Variants in DMD observed in about 807,000 individuals in gnomAD.
The protein encoded by DMD is dystrophin, also known as mutant dystrophin.
Under a neutral mutation model 330.1 loss-of-function variants are expected in DMD, and 63 were observed. The observed-to-expected ratio is 0.19, with a 90% confidence interval of 0.16 to 0.24. The LOEUF (loss-of-function observed/expected upper bound fraction) is 0.24, where lower values mean the gene tolerates loss of function less well. Among genes scored for constraint, DMD ranks in the 10% least tolerant of loss-of-function variants. The pLI is 1.00. For synonymous variants in DMD, 1,223 were observed against 959.8 expected (o/e 1.27, Z -5.07); for missense variants, 3,344 against 2,684.1 (o/e 1.25, Z -5.43).
chrX:31,399,660 C>T (rs1449969565), intron 60 of DMD, among the ~76,000 whole-genome samples: 1 of 111,250 alleles, frequency 9.0e-6, no homozygotes, highest in Non-Finnish European at 1.9e-5. Context: ...GGAGAGAAAG[C>T]TGTAGCTATA....
intron 41 of DMD, among the ~76,000 whole-genome samples, chrX:32,331,766 G>A (rs1013436688): frequency 9.0e-6 from 1 of 111,276 alleles, no homozygotes; most frequent in Non-Finnish European, 1.9e-5. Flanking sequence ...TTTATTTAAC[G>A]TGCTACTTGA....
At chrX:32,190,110 G>T (rs2096966312) in intron 44 of DMD, among the ~76,000 whole-genome samples, 1 of 110,695 alleles carries the variant, frequency 9.0e-6, no homozygotes, top group Admixed American at 9.7e-5. Flanking sequence ...GATTAAAGAA[G>T]AGAGTACTAT....
At chrX:32,561,046 C>T (rs988328306) in intron 16 of DMD, among the ~76,000 whole-genome samples, 2 of 111,661 alleles carry the variant, frequency 1.8e-5, no homozygotes, top group Non-Finnish European at 3.8e-5. Context: ...ACATTCCCAC[C>T]AACAGTGTAA....
At chrX:32,307,499 G>A (rs1333160484) in intron 42 of DMD, among the ~76,000 whole-genome samples, 3 of 111,829 alleles carry the variant, frequency 2.7e-5, no homozygotes, top group African/African-American at 9.7e-5. Context: ...GCAGCTACCA[G>A]TCAGAGTACA....
chrX:32,661,474 T>C (rs1363999624), intron 9 of DMD, among the ~76,000 whole-genome samples: 1 of 111,876 alleles, frequency 8.9e-6, no homozygotes, highest in Non-Finnish European at 1.9e-5. Flanking sequence ...GAATTCAGTA[T>C]CTGTCTCACG....
chrX:33,307,282 A>G (rs1279321495), intron 1 of DMD, among the ~76,000 whole-genome samples: 5 of 112,164 alleles, frequency 4.5e-5, no homozygotes, highest in African/African-American at 1.6e-4. Flanking sequence ...AGACTTACAT[A>G]TAATAAAAAT....
upstream of DMD, among the ~76,000 whole-genome samples, chrX:33,214,236 T>G (rs111276596): frequency 9.0e-6 from 1 of 110,856 alleles, no homozygotes; most frequent in Non-Finnish European, 1.9e-5. Flanking sequence ...AAAACAATCA[T>G]GTAGTTTTTC....
chrX:32,173,460 C>A (rs1018352857), intron 44 of DMD, among the ~76,000 whole-genome samples: 1 of 110,801 alleles, frequency 9.0e-6, no homozygotes, highest in African/African-American at 3.3e-5. Context: ...GCAACCTCCG[C>A]CTCCCAGGTT....
At chrX:31,285,714 G>A (rs2053153843) in intron 62 of DMD, among the ~76,000 whole-genome samples, 1 of 111,701 alleles carries the variant, frequency 9.0e-6, no homozygotes, top group Non-Finnish European at 1.9e-5. Flanking sequence ...TGTGATTCAG[G>A]GGTGTAATAA....
At chrX:32,412,460 C>A (rs2098147011) in intron 29 of DMD, among the ~76,000 whole-genome samples, 1 of 111,792 alleles carries the variant, frequency 8.9e-6, no homozygotes, top group Admixed American at 9.5e-5. Context: ...CTTTTTTCTC[C>A]CTACTTTCTT....
rs183292911 is a variant in DMD, at chrX:31,486,917, T to A, written c.8548-7814A>T. 2.7e-3 allele frequency among the ~76,000 whole-genome samples: 306 copies of A among 111,941 alleles called. 1 individual carries two copies. Among genetic ancestry groups the A allele is most frequent in the Non-Finnish European group, 2.6e-3 (137 of 53,230 alleles). On this transcript the variant is annotated intron_variant, in intron 57 of 78. Transcript: ENST00000357033. Reference sequence around the variant, plus strand: ...CCATATTTATTGAGTCTCAAACACATAAGAATATTTTACCAAATGCTCACT... The same window carrying A: ...CCATATTTATTGAGTCTCAAACACAAAAGAATATTTTACCAAATGCTCACT...
intron 55 of DMD, among the ~76,000 whole-genome samples, chrX:31,524,555 T>C (rs897462896): frequency 3.6e-5 from 4 of 112,039 alleles, no homozygotes; most frequent in African/African-American, 6.5e-5. Flanking sequence ...TTCACTCTGA[T>C]AAGATTCCAT....
intron 1 of DMD, among the ~76,000 whole-genome samples, chrX:33,126,730 T>C (rs763100651): frequency 9.0e-6 from 1 of 111,689 alleles, no homozygotes; most frequent in South Asian, 3.8e-4. Context: ...TTAGAGATAA[T>C]CTCAGCAATG....
chrX:32,477,431 T>G (rs1476470791), intron 21 of DMD, among the ~76,000 whole-genome samples: 1 of 110,989 alleles, frequency 9.0e-6, no homozygotes, highest in African/African-American at 3.3e-5. Context: ...CTGCACCTTT[T>G]GTTTAAAAAC....
At chrX:31,922,247 G>A (rs2094700331) in intron 47 of DMD, among the ~76,000 whole-genome samples, 1 of 111,443 alleles carries the variant, frequency 9.0e-6, no homozygotes. Flanking sequence ...TTCCTAGAGG[G>A]TGGTGCACTC....
chrX:31,949,272 C>A (rs2095128375), intron 45 of DMD, among the ~76,000 whole-genome samples: 1 of 111,146 alleles, frequency 9.0e-6, no homozygotes, highest in Admixed American at 9.6e-5. Context: ...AGTATTGAGT[C>A]TTCCAATTCA....
chrX:31,894,886 A>T (rs1317211148), intron 47 of DMD, among the ~76,000 whole-genome samples: 1 of 110,698 alleles, frequency 9.0e-6, no homozygotes, highest in Non-Finnish European at 1.9e-5. Context: ...ATTCATCTAT[A>T]TATTTTTACA....
At chrX:33,277,495 G>C (rs1313927346) in intron 1 of DMD, among the ~76,000 whole-genome samples, 6 of 111,219 alleles carry the variant, frequency 5.4e-5, no homozygotes, top group African/African-American at 2.0e-4. Context: ...CAGACTTGCA[G>C]GGCAGGGTCT....
chrX:31,508,935 T>A (rs1288543851), intron 55 of DMD, among the ~76,000 whole-genome samples: 1 of 111,660 alleles, frequency 9.0e-6, no homozygotes, highest in East Asian at 2.8e-4. Flanking sequence ...GTTGAACAAG[T>A]AAGGTAGACA....
Sources: gnomAD v4.1 joint callset for allele counts (sites outside exome capture counted in the v4.1 genomes callset) on GRCh38, gnomAD v4.1.1 for gene constraint, MANE v1.5 for transcripts, NCBI Gene and HGNC (gene_info 2026-07-23, HGNC 2026-07-21) for gene names.